ALK: variants seen among roughly 807,000 people sequenced by gnomAD.
The protein encoded by ALK is ALK receptor tyrosine kinase.
Under a neutral mutation model 163.1 loss-of-function variants are expected in ALK, and 74 were observed. The ratio of observed to expected loss-of-function variants is 0.45; its 90% CI spans 0.38 to 0.55. The LOEUF (loss-of-function observed/expected upper bound fraction) is 0.55, where lower values mean the gene tolerates loss of function less well. Among genes scored for constraint, ALK ranks in the 20% least tolerant of loss-of-function variants. ALK has a pLI of 0.00. For synonymous variants in ALK, 960 were observed against 843.2 expected (o/e 1.14, Z -2.40); for missense variants, 2,063 against 2,105.3 (o/e 0.98, Z 0.39).
intron 11 of ALK, among the ~76,000 whole-genome samples, chr2:29,274,576 A>C (rs1018320480): frequency 1.3e-5 from 2 of 152,212 alleles, no homozygotes; most frequent in Non-Finnish European, 2.9e-5. Flanking sequence ...CTGAAGTGGC[A>C]AGGGGCCATG....
At chr2:29,507,025 A>G (rs1672345715) in intron 4 of ALK, among the ~76,000 whole-genome samples, 1 of 152,216 alleles carries the variant, frequency 6.6e-6, no homozygotes, top group Non-Finnish European at 1.5e-5. Context: ...ACTTCTAGGT[A>G]TATATCCAAG....
chr2:29,822,689 C>A (rs1479918021), intron 1 of ALK, among the ~76,000 whole-genome samples: 1 of 152,218 alleles, frequency 6.6e-6, no homozygotes, highest in African/African-American at 2.4e-5. Context: ...CTACAAGTCA[C>A]AAATATGAAC....
At chr2:29,467,922 T>A (rs1267061969) in intron 4 of ALK, among the ~76,000 whole-genome samples, 5 of 152,228 alleles carry the variant, frequency 3.3e-5, no homozygotes, top group Non-Finnish European at 7.3e-5. Flanking sequence ...ATATTTATTA[T>A]TATTTGTAAA....
At chr2:29,230,146 A>T (rs1041423685) in intron 15 of ALK, among the ~76,000 whole-genome samples, 6 of 152,156 alleles carry the variant, frequency 3.9e-5, no homozygotes, top group Non-Finnish European at 8.8e-5. Context: ...CCTTTATATA[A>T]AGTGGCATAG....
chr2:29,879,743 A>G (rs1331752432), intron 1 of ALK, among the ~76,000 whole-genome samples: 2 of 152,240 alleles, frequency 1.3e-5, no homozygotes, highest in African/African-American at 4.8e-5. Context: ...GGGAAGAGAA[A>G]GGATGAATGC....
At chr2:29,580,683 G>A (rs1230341907) in intron 3 of ALK, among the ~76,000 whole-genome samples, 3 of 152,216 alleles carry the variant, frequency 2.0e-5, no homozygotes, top group African/African-American at 7.2e-5. Context: ...TCTAAATTAC[G>A]CTAAACAGAT....
intron 3 of ALK, among the ~76,000 whole-genome samples, chr2:29,639,096 T>G (rs984332395): frequency 2.6e-5 from 4 of 152,200 alleles, no homozygotes; most frequent in South Asian, 4.1e-4. Flanking sequence ...TCTGACCTTA[T>G]AGTAGAAGAC....
chr2:29,887,473 C>A (rs921595738), intron 1 of ALK, among the ~76,000 whole-genome samples: 7 of 152,190 alleles, frequency 4.6e-5, no homozygotes, highest in African/African-American at 1.7e-4. Flanking sequence ...CATCCTGGGT[C>A]ATTTCTGCCA....
chr2:29,310,054 A>C (rs1251579890), intron 8 of ALK, among the ~76,000 whole-genome samples: 1 of 152,188 alleles, frequency 6.6e-6, no homozygotes, highest in African/African-American at 2.4e-5. Flanking sequence ...AGCAACTAAA[A>C]CAGGTTTTTT....
At chr2:29,315,833 G>A (rs1666818345) in intron 8 of ALK, among the ~76,000 whole-genome samples, 2 of 152,190 alleles carry the variant, frequency 1.3e-5, no homozygotes, top group Admixed American at 1.3e-4. Flanking sequence ...CGGAGACCAG[G>A]ACTGAGCTGG....
chr2:29,586,348 A>T (rs1036335109), intron 3 of ALK, among the ~76,000 whole-genome samples: 1 of 151,824 alleles, frequency 6.6e-6, no homozygotes, highest in Non-Finnish European at 1.5e-5. Context: ...AAGTTTTTTA[A>T]CTATAGGATT....
intron 4 of ALK, among the ~76,000 whole-genome samples, chr2:29,488,492 G>A (rs1671829322): frequency 6.6e-6 from 1 of 152,114 alleles, no homozygotes; most frequent in Non-Finnish European, 1.5e-5. Context: ...CATGACTGAT[G>A]GCATTGGAGT....
rs1156665320 is a variant in ALK at position 29,688,776 on chromosome 2, G to C, written c.952+6074C>G. 5.3e-5 allele frequency among the ~76,000 whole-genome samples: 8 copies of C among 152,240 alleles called. No homozygotes were observed. In the East Asian group the frequency reaches 1.5e-3, roughly 29 times the overall value. On this transcript the variant is annotated intron_variant, in intron 3 of 28. Coordinates refer to ENST00000389048, the MANE Select transcript of ALK (RefSeq NM_004304.5). ...TCCAGTTTTCTTACCTCTCCTGACT[G>C]TTTCCCCAACTTCAACATTTTTCTA...
At position 29,508,707 on chromosome 2, in the gene ALK, C is replaced by A. The variant is rs540032406; in HGVS notation, c.1154+23208G>T. Among the ~76,000 whole-genome samples the A allele has an allele frequency of 8.5e-3, 681 of 80,418 alleles. 6 individuals carry two copies. Among genetic ancestry groups the A allele is most frequent in the African/African-American group, 0.027 (637 of 23,552 alleles). 52.8% of individuals were successfully genotyped at this position (80,418 alleles called of 152,430 possible). On this transcript the variant is annotated intron_variant, in intron 4 of 28. Transcript: ENST00000389048. ...AACTTAGAGTATAATAAAAAAAAAA[C>A]CCAAAAAAATCCCATATCTGCAACT... is the stretch of plus-strand genomic sequence containing the variant.
intron 3 of ALK, chr2:29,681,088 C>T (rs1389277809): frequency 1.3e-5 from 2 of 152,076 alleles, no homozygotes; most frequent in Non-Finnish European, 2.9e-5. Context: ...AGGCATGATC[C>T]CACTACTGAT....
At chr2:29,315,825 G>A (rs1286939627) in intron 8 of ALK, among the ~76,000 whole-genome samples, 1 of 152,132 alleles carries the variant, frequency 6.6e-6, no homozygotes, top group Admixed American at 6.5e-5. Context: ...TAACTTCCCG[G>A]AGACCAGGAC....
chr2:29,641,873 T>G (rs757440271), intron 3 of ALK, among the ~76,000 whole-genome samples: 1 of 152,224 alleles, frequency 6.6e-6, no homozygotes, highest in Non-Finnish European at 1.5e-5. Context: ...AATTAGTCTC[T>G]GGGCCTCAGT....
At chr2:29,615,525 G>C (rs566902113) in intron 3 of ALK, among the ~76,000 whole-genome samples, 3 of 152,270 alleles carry the variant, frequency 2.0e-5, no homozygotes, top group Admixed American at 6.5e-5. Context: ...AGATAGTGTC[G>C]AACTCATAGT....
At chr2:29,583,408 T>A (rs1047308142) in intron 3 of ALK, among the ~76,000 whole-genome samples, 1 of 152,086 alleles carries the variant, frequency 6.6e-6, no homozygotes, top group Non-Finnish European at 1.5e-5. Flanking sequence ...ATGGGGAATT[T>A]TGCAGCCTGT....
Sources: allele counts gnomAD v4.1 joint callset (sites outside exome capture counted in the v4.1 genomes callset), GRCh38; gene constraint gnomAD v4.1.1; transcripts MANE v1.5; gene names NCBI Gene and HGNC (gene_info 2026-07-23, HGNC 2026-07-21).